The following CACHD1 variants were observed in gnomAD, a reference collection of about 807,000 sequenced individuals.
CACHD1 encodes cache domain containing 1.
CACHD1 carries 71 observed loss-of-function variants against 138.7 expected under a neutral mutation model. That is an observed-to-expected ratio of 0.51 (90% CI 0.42 to 0.62). The LOEUF is 0.62. Ranked by LOEUF, CACHD1 falls within the 20% of genes least tolerant of loss-of-function variation. CACHD1 has a pLI of 0.00. For synonymous variants in CACHD1, 578 were observed against 591.5 expected (o/e 0.98, Z 0.33); for missense variants, 1,389 against 1,625.3 (o/e 0.85, Z 2.50).
At chr1:64,641,685 C>A in intron 7 of CACHD1, 135 bp from the exon 8 acceptor site, 1 of 563,796 alleles carries the variant, frequency 1.8e-6, no homozygotes, top group Non-Finnish European at 3.1e-6. Context: ...GCCACAGCAT[C>A]AAACAGGAGG....
At chr1:64,523,341 T>A (rs1646511992) in intron 1 of CACHD1, among the ~76,000 whole-genome samples, 1 of 152,082 alleles carries the variant, frequency 6.6e-6, no homozygotes, top group South Asian at 2.1e-4. Context: ...TTGTCTTCTT[T>A]TATAGGTTTT....
chr1:64,520,172 A>C (rs90268), intron 1 of CACHD1, among the ~76,000 whole-genome samples: 14,297 of 152,178 alleles, frequency 0.094, 839 homozygotes, highest in East Asian at 0.16. Flanking sequence ...ACTGTGCCGG[A>C]CTCATGTCCA....
chr1:64,560,546 A>T (rs72929149), intron 2 of CACHD1, among the ~76,000 whole-genome samples: 1 of 152,096 alleles, frequency 6.6e-6, no homozygotes, highest in African/African-American at 2.4e-5. Context: ...ATTTAATTCC[A>T]TTATGGTCAG....
In CACHD1 at chr1:64,681,068, T is replaced by C. The variant is rs906160134; in HGVS notation, c.3407-190T>C. Reference sequence around the variant, plus strand: ...TCAGATGTCTCTTGATTACTTGTTCTTCTTGTTTGGATTCCTGCTCCCTCC... The same window carrying C: ...TCAGATGTCTCTTGATTACTTGTTCCTCTTGTTTGGATTCCTGCTCCCTCC... On this transcript the variant is annotated intron_variant, in intron 24 of 26. Coordinates refer to ENST00000651257, the MANE Select transcript of CACHD1 (RefSeq NM_020925.4). Among the ~76,000 whole-genome samples, 4 of 152,230 alleles carry C rather than the reference T, an allele frequency of 2.6e-5. No homozygotes were observed. In the East Asian group the frequency reaches 7.7e-4, roughly 29 times the overall value.
chr1:64,623,640 T>C (rs1042876070), intron 4 of CACHD1, among the ~76,000 whole-genome samples: 8 of 152,096 alleles, frequency 5.3e-5, no homozygotes, highest in African/African-American at 1.9e-4. Flanking sequence ...AACGTACCTA[T>C]AACACCGATA....
intron 1 of CACHD1, 88 bp downstream of exon 1, chr1:64,471,030 T>C: frequency 7.6e-7 from 1 of 1,323,338 alleles, no homozygotes; most frequent in East Asian, 2.6e-5. Context: ...CCCTGGACTG[T>C]GTGCATCGGC....
rs186576891 is a variant in CACHD1, at chr1:64,666,217, T to G, written c.2387+50T>G. On this transcript the variant is annotated intron_variant, in intron 16 of 26. Coordinates refer to ENST00000651257, the MANE Select transcript of CACHD1 (RefSeq NM_020925.4). ...TCATTTCTTAAATATATCAAGGATA[T>G]TTTGGAAATCTGAATAGAAGAGTAC... The G allele has an allele frequency of 2.1e-4, 270 of 1,286,190 alleles. 1 individual carries two copies. In the African/African-American group the frequency reaches 3.6e-3, roughly 17 times the overall value. The allele number at this position is 1,286,190 out of a possible 1,614,324, so 79.7% of individuals were successfully genotyped here. A position where few individuals can be genotyped will look rare whatever the true frequency, so the allele number is the denominator to read the frequency against.
chr1:64,620,682 A>G (rs1299684149), intron 4 of CACHD1, among the ~76,000 whole-genome samples: 2 of 152,220 alleles, frequency 1.3e-5, no homozygotes, highest in South Asian at 2.1e-4. Context: ...TATGAGACCT[A>G]CCATACTCTT....
chr1:64,478,976 A>T (rs1040467072), intron 1 of CACHD1, among the ~76,000 whole-genome samples: 19 of 136,010 alleles, frequency 1.4e-4, no homozygotes, highest in Non-Finnish European at 1.1e-4. Flanking sequence ...AATTCAGTTT[A>T]AAAAAAAAAA....
At chr1:64,505,665 C>T (rs1289963826) in intron 1 of CACHD1, among the ~76,000 whole-genome samples, 8 of 145,196 alleles carry the variant, frequency 5.5e-5, no homozygotes, top group African/African-American at 2.1e-4. Flanking sequence ...CACCTCTTCC[C>T]CCTCCCTGGG....
intron 17 of CACHD1, 65 bp downstream of exon 17, chr1:64,671,751 T>C (rs1649824903): frequency 6.3e-7 from 1 of 1,585,420 alleles, no homozygotes; most frequent in African/African-American, 1.3e-5. Context: ...CAGGTATCTC[T>C]AGTTGAATGG....
intron 2 of CACHD1, among the ~76,000 whole-genome samples, chr1:64,574,762 TCCAATTTAG>T (rs1227936561): frequency 2.6e-5 from 4 of 152,216 alleles, no homozygotes; most frequent in Non-Finnish European, 5.9e-5. Context: ...TATTATTATA[TCCAATTTAG>T]AGGTAATTAA....
chr1:64,552,705 C>G (rs1046092864), intron 2 of CACHD1, among the ~76,000 whole-genome samples: 1 of 152,154 alleles, frequency 6.6e-6, no homozygotes, highest in Non-Finnish European at 1.5e-5. Flanking sequence ...TCTCAAACTC[C>G]TCAGCGCAAA....
rs1648958536 is a variant in CACHD1, at chr1:64,647,806, G to T, written c.1162G>T (p.Val388Leu). ...ILTYALMNDG[V>L]TGLKELAFLR... Reference sequence around the variant, plus strand: ...CTCTCGGCTTTCCATTTTAGATGGGGTGACTGGTTTGAAAGAGCTGGCTTT... The same window carrying T: ...CTCTCGGCTTTCCATTTTAGATGGGTTGACTGGTTTGAAAGAGCTGGCTTT... The change falls in exon 9 of 27, where the codon GTG (valine) becomes TTG (leucine). Residue 388 changes from valine (V) to leucine (L), a missense_variant. This residue lies in a region of CACHD1 where 1,000 missense variants were observed against 1,114.7 expected (regional missense o/e 0.90). Transcript: ENST00000651257. The T allele has an allele frequency of 6.2e-7, 1 of 1,614,058 alleles. No homozygotes were observed. Among genetic ancestry groups the T allele is most frequent in the African/African-American group, 1.3e-5 (1 of 75,050 alleles).
chr1:64,671,560 A>G lies in CACHD1; in HGVS notation c.2388-4A>G, dbSNP rs560356946. ...TTGTTCTCATTGATCTTTTTCACTTAAAGTACACAGCTGTCTTCTGGGCAC... is the reference window on the plus strand; with the variant it reads ...TTGTTCTCATTGATCTTTTTCACTTGAAGTACACAGCTGTCTTCTGGGCAC... On this transcript the variant is annotated splice_polypyrimidine_tract_variant and splice_region_variant and intron_variant, in intron 16 of 26. Coordinates refer to ENST00000651257, the MANE Select transcript of CACHD1 (RefSeq NM_020925.4). 125 of 1,613,946 alleles carry G rather than the reference A, an allele frequency of 7.7e-5. 3 individuals carry two copies. In the East Asian group the frequency reaches 2.5e-3, roughly 32 times the overall value.
At chr1:64,543,232 G>A (rs1405817726) in intron 1 of CACHD1, among the ~76,000 whole-genome samples, 3 of 151,184 alleles carry the variant, frequency 2.0e-5, no homozygotes, top group Non-Finnish European at 4.4e-5. Context: ...TGAACCACCT[G>A]TATCCAAAAT....
chr1:64,562,576 A>ATT (rs56286973), intron 2 of CACHD1, among the ~76,000 whole-genome samples: 6 of 134,442 alleles, frequency 4.5e-5, no homozygotes, highest in African/African-American at 1.4e-4. Flanking sequence ...CACCTGGCTA[A>ATT]TTTTTTTTTT....
intron 2 of CACHD1, 131 bp downstream of exon 2, chr1:64,550,787 A>G (rs1309733792): frequency 1.6e-6 from 1 of 606,528 alleles, no homozygotes; most frequent in Non-Finnish European, 3.0e-6. Context: ...CGTGCATCTC[A>G]TGCATAATGG....
chr1:64,661,994 A>G (rs1649462132), intron 13 of CACHD1, among the ~76,000 whole-genome samples: 1 of 152,190 alleles, frequency 6.6e-6, no homozygotes, highest in African/African-American at 2.4e-5. Flanking sequence ...CTGGGCAAAA[A>G]TCTCAGAGAA....
Sources: allele counts gnomAD v4.1 joint callset (sites outside exome capture counted in the v4.1 genomes callset), GRCh38; gene constraint gnomAD v4.1.1; regional missense constraint gnomAD v4.1.1; transcripts MANE v1.5; gene names NCBI Gene and HGNC (gene_info 2026-07-23, HGNC 2026-07-21).